Variants in NCOR2 observed in about 807,000 individuals in gnomAD.
NCOR2 encodes the protein CTG repeat protein 26.
NCOR2 carries 81 observed loss-of-function variants against 262.9 expected under a neutral mutation model. That is an observed-to-expected ratio of 0.31 (90% CI 0.26 to 0.37). NCOR2 has a LOEUF of 0.37. NCOR2 is among the 10% of genes least tolerant of loss of function. The pLI, the probability that NCOR2 is intolerant of heterozygous loss-of-function variation, is 1.00. For synonymous variants in NCOR2, 1,659 were observed against 1,559.3 expected (o/e 1.06, Z -1.51); for missense variants, 3,385 against 3,621.4 (o/e 0.93, Z 1.68).
At chr12:124,529,915 T>A (rs1315017297) in intron 1 of NCOR2, 1 of 152,070 alleles carries the variant, frequency 6.6e-6, no homozygotes, top group Non-Finnish European at 1.5e-5. Context: ...TGGTTTCTTA[T>A]AAACTAAAAT....
At chr12:124,449,038 TTGGGTTCCTGGGC>T (rs1368021510) in intron 7 of NCOR2, among the ~76,000 whole-genome samples, 1 of 152,164 alleles carries the variant, frequency 6.6e-6, no homozygotes, top group Admixed American at 6.5e-5. Context: ...CTTTTACCTT[TTGGGTTCCTGGGC>T]ACTAACATGA....
At chr12:124,447,069 C>G (rs565748938) in intron 7 of NCOR2, among the ~76,000 whole-genome samples, 21 of 152,298 alleles carry the variant, frequency 1.4e-4, no homozygotes, top group African/African-American at 5.1e-4. Context: ...TACACGCCAC[C>G]ACAGCCGGCT....
chr12:124,429,234 C>A (rs1245591859), intron 10 of NCOR2, among the ~76,000 whole-genome samples: 4 of 152,262 alleles, frequency 2.6e-5, no homozygotes, highest in African/African-American at 9.6e-5. Context: ...AACCCACAGG[C>A]ACTCCCGCCC....
intron 33 of NCOR2, 71 bp downstream of exon 35, chr12:124,342,934 A>C (rs1436130729): frequency 1.3e-6 from 2 of 1,531,882 alleles, no homozygotes; most frequent in Middle Eastern, 2.3e-4. Flanking sequence ...GGAGTCCCTG[A>C]GCGAACACTG....
rs529117666 is a variant in NCOR2, at chr12:124,437,863, G to GC, written c.882+66dup. ...AACTGACAGGGCCCCGGCAGGTGTG[G>GC]CCCCCTGTGCGCTCGATTCTCCCCA... On this transcript the variant is annotated intron_variant, in intron 8 of 46. Coordinates refer to ENST00000405201, the Ensembl canonical transcript of NCOR2. The GC allele has an allele frequency of 6.1e-6, 9 of 1,470,928 alleles. No homozygotes were observed. In the African/African-American group the frequency reaches 1.3e-4, roughly 21 times the overall value. The allele number at this position is 1,470,928 out of a possible 1,614,324, so 91.1% of individuals were successfully genotyped here. A position where few individuals can be genotyped will look rare whatever the true frequency, so the allele number is the denominator to read the frequency against.
Position 124,452,717 on chromosome 12 carries a change from C to T in NCOR2, c.763-2850G>A, listed in dbSNP as rs76326310. Among the ~76,000 whole-genome samples, 692 of 152,302 alleles carry T rather than the reference C, an allele frequency of 4.5e-3. 22 individuals are homozygous for T. The East Asian group carries it at 0.082, about 18-fold the overall frequency. ...GGTGCAGAAATGCAGGACCGGCTCCCGGGGGCAGCAAGAGCCCGGTCAGCC... is the reference window on the plus strand; with the variant it reads ...GGTGCAGAAATGCAGGACCGGCTCCTGGGGGCAGCAAGAGCCCGGTCAGCC... On this transcript the variant is annotated intron_variant, in intron 6 of 46. Transcript: ENST00000405201.
chr12:124,332,552 C>A (rs2035290001), intron 42 of NCOR2, 85 bp from the exon 45 acceptor site: 1 of 1,572,528 alleles, frequency 6.4e-7, no homozygotes, highest in South Asian at 1.1e-5. Flanking sequence ...ACCTGAGATG[C>A]CTTAGACATT....
rs1396832618 is a variant in NCOR2, at chr12:124,517,956, C to A, written c.-118+17609G>T. 2.0e-5 allele frequency among the ~76,000 whole-genome samples: 3 copies of A among 152,146 alleles called. No homozygotes were observed. Among genetic ancestry groups the A allele is most frequent in the African/African-American group, 7.2e-5 (3 of 41,426 alleles). Reference sequence around the variant, plus strand: ...CCGGCCACTCAGCCCCCAGCCCTGGCCACCACCTCCAGCGACAGAACTGGG... The same window carrying A: ...CCGGCCACTCAGCCCCCAGCCCTGGACACCACCTCCAGCGACAGAACTGGG... On this transcript the variant is annotated intron_variant, in intron 1 of 46. Coordinates refer to the NCOR2 transcript ENST00000404621. This position sits in a 1 kb window ranked among gnomAD's most constrained non-coding sequence, Gnocchi z 7.6.
chr12:124,460,575 C>G (rs555764849), intron 5 of NCOR2, among the ~76,000 whole-genome samples: 1 of 152,220 alleles, frequency 6.6e-6, no homozygotes, highest in African/African-American at 2.4e-5. Context: ...GTCCTCTCTG[C>G]CCCCTCCATA....
intron 1 of NCOR2, chr12:124,513,134 C>T (rs572202061): frequency 1.2e-4 from 18 of 152,528 alleles, no homozygotes; most frequent in African/African-American, 3.4e-4. Flanking sequence ...AGCTGCCCAC[C>T]CAGCCTCTGA....
At chr12:124,553,121 T>C (rs1265205679) in intron 1 of NCOR2, among the ~76,000 whole-genome samples, 2 of 152,198 alleles carry the variant, frequency 1.3e-5, no homozygotes, top group African/African-American at 4.8e-5. Context: ...CCTTTATGGC[T>C]TCTAGCGGCT....
chr12:124,336,355 G>T (rs571547003), intron 38 of NCOR2: 1 of 177,568 alleles, frequency 5.6e-6, no homozygotes, highest in South Asian at 1.2e-4. Flanking sequence ...AGATGGGGGC[G>T]CAGTCGAAGT....
chr12:124,421,125 C>G (rs1039875672), intron 12 of NCOR2, among the ~76,000 whole-genome samples: 5 of 152,270 alleles, frequency 3.3e-5, no homozygotes, highest in Non-Finnish European at 2.9e-5. Flanking sequence ...CCCCCGCAGA[C>G]GGGCACAGAC....
chr12:124,355,585 G>A lies in NCOR2; in HGVS notation c.3242-14C>T, dbSNP rs181956564. On this transcript the variant is annotated splice_polypyrimidine_tract_variant and intron_variant, in intron 23 of 46. Coordinates refer to ENST00000405201, the Ensembl canonical transcript of NCOR2. ...GCAGTGGGTGACCTGTGGAGCACATGTCTGTCCATTGTGGGGCCCAGGAGC... is the reference window on the plus strand; with the variant it reads ...GCAGTGGGTGACCTGTGGAGCACATATCTGTCCATTGTGGGGCCCAGGAGC... 12 of 1,547,618 alleles carry A rather than the reference G, an allele frequency of 7.8e-6. No individual in the cohort carries two copies. The East Asian group carries it at 1.1e-4, about 15-fold the overall frequency.
intron 30 of NCOR2, 78 bp from the exon 33 acceptor site, chr12:124,346,928 G>T: frequency 7.2e-7 from 1 of 1,386,992 alleles, no homozygotes; most frequent in Non-Finnish European, 9.3e-7. Flanking sequence ...GTGGGTTCTG[G>T]AGCTAGTCTG....
intron 1 of NCOR2, among the ~76,000 whole-genome samples, chr12:124,564,662 G>C (rs1292988100): frequency 6.6e-6 from 1 of 151,908 alleles, no homozygotes; most frequent in Non-Finnish European, 1.5e-5. Context: ...GACCCCAGGA[G>C]AACCCTCCGG....
At chr12:124,498,015 C>G (rs903836093), upstream of NCOR2, among the ~76,000 whole-genome samples, 3 of 152,218 alleles carry the variant, frequency 2.0e-5, no homozygotes, top group Admixed American at 6.5e-5. Flanking sequence ...TCATCTCATG[C>G]AGCAAAGCAA....
At chr12:124,452,118 C>G (rs1278272094) in intron 6 of NCOR2, among the ~76,000 whole-genome samples, 1 of 152,192 alleles carries the variant, frequency 6.6e-6, no homozygotes, top group African/African-American at 2.4e-5. Flanking sequence ...CCACCCTGAC[C>G]CTGGAAGTTT....
At position 124,566,670 on chromosome 12, in the gene NCOR2, T is replaced by C. The variant is rs1266967879; in HGVS notation, c.-165+638A>G. Among the ~76,000 whole-genome samples, 1 of 152,080 alleles carries C rather than the reference T, an allele frequency of 6.6e-6. No homozygotes were observed. Among genetic ancestry groups the C allele is most frequent in the Non-Finnish European group, 1.5e-5 (1 of 67,996 alleles). On this transcript the variant is annotated intron_variant, in intron 1 of 32. Transcript: ENST00000458234. The surrounding 1 kb of genome is among the most constrained non-coding windows in gnomAD (Gnocchi z 4.3). ...GGGGAGGGACTAGGAGGCGGCCCAATGAGGCGTCACCAGCCACGGGAGGCA... is the reference window on the plus strand; with the variant it reads ...GGGGAGGGACTAGGAGGCGGCCCAACGAGGCGTCACCAGCCACGGGAGGCA...
Sources: allele counts gnomAD v4.1 joint callset (sites outside exome capture counted in the v4.1 genomes callset), GRCh38; gene constraint gnomAD v4.1.1; non-coding constraint Gnocchi (gnomAD v3.1); transcripts MANE v1.5; gene names NCBI Gene and HGNC (gene_info 2026-07-23, HGNC 2026-07-21).